The following IGFALS variants were observed in gnomAD, a reference collection of about 807,000 sequenced individuals.
The protein encoded by IGFALS is insulin like growth factor binding protein acid labile subunit.
IGFALS carries 2 observed loss-of-function variants against 2.6 expected under a neutral mutation model. The ratio of observed to expected loss-of-function variants is 0.77; its 90% CI spans 0.32 to 2.44. IGFALS has a LOEUF of 2.44. Among genes scored for constraint, IGFALS ranks in the 30% most tolerant of loss-of-function variants. The pLI is 0.11. For synonymous variants in IGFALS, 519 were observed against 431.9 expected, an observed-to-expected ratio of 1.20 and a Z score of -2.50; for missense variants, 996 against 848.7, an observed-to-expected ratio of 1.17 and a Z score of -2.16.
chr16:1,792,131 T>C lies in IGFALS; in HGVS notation c.287A>G (p.Asn96Ser). 1 of 1,611,024 alleles carries C rather than the reference T, an allele frequency of 6.2e-7. No homozygotes were observed. The highest frequency in any genetic ancestry group is 8.5e-7 in the Non-Finnish European group (1 of 1,179,524). Reference sequence around the variant, plus strand: ...GTTGAGGAAGCCCAGGCTGGAGAGGTTCTGGAAGGCTGCCGGGGGGACGGA... The same window carrying C: ...GTTGAGGAAGCCCAGGCTGGAGAGGCTCTGGAAGGCTGCCGGGGGGACGGA... ...LSSVPPAAFQNLSSLGFLNLQ... is the reference protein window; with the variant it reads ...LSSVPPAAFQSLSSLGFLNLQ... The change falls in exon 2 of 2, where the codon AAC becomes AGC. Residue 96 changes from asparagine to serine, a missense_variant. Transcript: ENST00000215539.
At chr16:1,794,535 A>G (rs561871674), upstream of IGFALS, among the ~76,000 whole-genome samples, 62 of 152,156 alleles carry the variant, frequency 4.1e-4, no homozygotes, top group African/African-American at 1.4e-3. Context: ...GTGCCCAGCC[A>G]TGTCCAAGGC....
Position 1,791,327 on chromosome 16 carries a change from A to G in IGFALS, c.1091T>C (p.Val364Ala). 6.2e-7 allele frequency: 1 copy of G among 1,608,612 alleles called. No homozygotes were observed. The highest frequency in any genetic ancestry group is 1.3e-5 in the African/African-American group (1 of 75,048). The change falls in exon 2 of 2, where the codon GTG (valine) becomes GCG (alanine). Residue 364 changes from valine to alanine, a missense_variant. Coordinates refer to ENST00000215539, the MANE Select transcript of IGFALS (RefSeq NM_004970.3). The part of the protein sequence containing the change: ...KAGAFLGLTN[V>A]AVMNLSGNCL... ...GTTCCCAGAGAGGTTCATGACCGCCACGTTGGTGAGGCCGAGGAAAGCGCC... is the reference window on the plus strand; with the variant it reads ...GTTCCCAGAGAGGTTCATGACCGCCGCGTTGGTGAGGCCGAGGAAAGCGCC...
In IGFALS at chr16:1,792,005, G is replaced by A; in HGVS notation, c.413C>T (p.Ala138Val). 1 of 1,608,988 alleles carries A rather than the reference G, an allele frequency of 6.2e-7. No homozygotes were observed. The highest frequency in any genetic ancestry group is 8.5e-7 in the Non-Finnish European group (1 of 1,179,074). Residue 138 changes from alanine (A) to valine (V), a missense_variant, in exon 2 of 2, where the codon GCA becomes GTA. Ala to Val is a moderately conservative substitution (Grantham distance 64). Coordinates refer to ENST00000215539, the MANE Select transcript of IGFALS (RefSeq NM_004970.3). The stretch of plus-strand genomic sequence containing the variant: ...GGGCGTGTGTGCAAACGTGCCGAGT[G>A]CCAGGCTGCGCAGCTGGTTCCGCTC... ...HLERNQLRSL[A>V]LGTFAHTPAL...
chr16:1,791,334 T>G lies in IGFALS; in HGVS notation c.1084A>C (p.Thr362Pro), dbSNP rs1285968519. 1.9e-6 allele frequency: 3 copies of G among 1,608,312 alleles called. No homozygotes were observed. The highest frequency in any genetic ancestry group is 2.5e-6 in the Non-Finnish European group (3 of 1,179,916). ...EVKAGAFLGL[T>P]NVAVMNLSGN... The stretch of plus-strand genomic sequence containing the variant: ...GAGAGGTTCATGACCGCCACGTTGG[T>G]GAGGCCGAGGAAAGCGCCCGCCTTG... Residue 362 changes from threonine (T) to proline (P), a missense_variant, in exon 2 of 2, where the codon ACC (threonine) becomes CCC (proline). Physicochemically the swap from Thr to Pro is conservative, Grantham distance 38. Coordinates refer to ENST00000215539, the MANE Select transcript of IGFALS (RefSeq NM_004970.3).
intron 1 of IGFALS, 70 bp from the exon 2 acceptor site, chr16:1,792,471 G>A: frequency 6.8e-7 from 1 of 1,465,406 alleles, no homozygotes; most frequent in Non-Finnish European, 9.0e-7. Context: ...TACCAGCACA[G>A]CCGGAAGCGG....
At position 1,790,957 on chromosome 16, in the gene IGFALS, C is replaced by T. The variant is rs113804102; in HGVS notation, c.1461G>A (p.Leu487=). 1 of 1,596,636 alleles carries T rather than the reference C, an allele frequency of 6.3e-7. No individual in the cohort carries two copies. Among genetic ancestry groups the T allele is most frequent in the Non-Finnish European group, 8.5e-7 (1 of 1,178,850 alleles). Residue 487 remains leucine, a synonymous_variant, in exon 2 of 2, where the codon CTG becomes CTA. Transcript: ENST00000215539. ...ALGPLQRAFW[L]DVSHNRLEAL... is the part of the protein sequence containing the mutation. Reference sequence around the variant, plus strand: ...CCTCCAGGCGGTTGTGCGAGACGTCCAGCCAGAAGGCCCGCTGCAGGGGGC... The same window carrying T: ...CCTCCAGGCGGTTGTGCGAGACGTCTAGCCAGAAGGCCCGCTGCAGGGGGC...
intron 1 of IGFALS, among the ~76,000 whole-genome samples, chr16:1,793,340 G>A (rs552375126): frequency 1.8e-4 from 28 of 152,176 alleles, no homozygotes; most frequent in African/African-American, 6.3e-4. Flanking sequence ...GGCACTTCCC[G>A]CCGCTGTGCT....
chr16:1,791,488 G>C lies in IGFALS; in HGVS notation c.930C>G (p.Phe310Leu). 2 of 1,611,480 alleles carry C rather than the reference G, an allele frequency of 1.2e-6. No individual in the cohort carries two copies. The highest frequency in any genetic ancestry group is 1.7e-6 in the Non-Finnish European group (2 of 1,179,520). Residue 310 changes from phenylalanine to leucine, a missense_variant, in exon 2 of 2, where the codon TTC becomes TTG. By Grantham distance (22) the Phe-to-Leu change is conservative. Coordinates refer to ENST00000215539, the MANE Select transcript of IGFALS (RefSeq NM_004970.3). Reference sequence around the variant, plus strand: ...GCTCCTCCAGGAAGTGCAGGTCCTTGAAGGTGCGGGGCCGCAGGCTGGCGA... The same window carrying C: ...GCTCCTCCAGGAAGTGCAGGTCCTTCAAGGTGCGGGGCCGCAGGCTGGCGA... ...NAIASLRPRT[F>L]KDLHFLEELQ...
In IGFALS at chr16:1,793,635, A is replaced by T. The variant is rs758291740; in HGVS notation, c.16+2T>A. 6.3e-7 allele frequency: 1 copy of T among 1,595,952 alleles called. No individual in the cohort carries two copies. Among genetic ancestry groups the T allele is most frequent in the Non-Finnish European group, 8.5e-7 (1 of 1,171,014 alleles). On this transcript the variant is annotated splice_donor_variant, in intron 1 of 1. Transcript: ENST00000215539. LOFTEE classifies it high-confidence loss of function. Reference sequence around the variant, plus strand: ...GGGTGGCGGGGCACTCGGGGGCCTCACCTTTCCTCAGGGCCATCCTGCATG... The same window carrying T: ...GGGTGGCGGGGCACTCGGGGGCCTCTCCTTTCCTCAGGGCCATCCTGCATG...
Position 1,791,209 on chromosome 16 carries a change from C to T in IGFALS, c.1209G>A (p.Pro403=), listed in dbSNP as rs1407145347. 3.7e-6 allele frequency: 6 copies of T among 1,607,666 alleles called. No individual in the cohort carries two copies. Among genetic ancestry groups the T allele is most frequent in the Admixed American group, 1.7e-5 (1 of 59,996 alleles). ...LEGSCLGRIR[P]HTFTGLSGLR... ...GCCCCGAGAGGCCGGTGAAGGTGTG[C>T]GGGCGGATGCGTCCCAGGCAGCTGC... Residue 403 remains proline (P), a synonymous_variant, in exon 2 of 2, where the codon CCG becomes CCA. Coordinates refer to ENST00000215539, the MANE Select transcript of IGFALS (RefSeq NM_004970.3).
rs765328772 is a variant in IGFALS, at chr16:1,792,070, C to A, written c.348G>T (p.Gln116His). The A allele has an allele frequency of 6.2e-7, 1 of 1,610,126 alleles. No individual in the cohort carries two copies. The highest frequency in any genetic ancestry group is 8.5e-7 in the Non-Finnish European group (1 of 1,179,204). ...QGGQLGSLEP[Q>H]ALLGLENLCH... ...ACAGGTTCTCTAGGCCCAGCAGCGCCTGTGGCTCCAGGCTGCCCAGCTGGC... is the reference window on the plus strand; with the variant it reads ...ACAGGTTCTCTAGGCCCAGCAGCGCATGTGGCTCCAGGCTGCCCAGCTGGC... Residue 116 changes from glutamine to histidine, a missense_variant, in exon 2 of 2, where the codon CAG becomes CAT. Physicochemically the swap from Gln to His is conservative, Grantham distance 24 (BLOSUM62 0). Transcript: ENST00000215539.
chr16:1,790,766 G>T lies in IGFALS; in HGVS notation c.1652C>A (p.Ala551Asp). 6.3e-7 allele frequency: 1 copy of T among 1,592,468 alleles called. No individual in the cohort carries two copies. The highest frequency in any genetic ancestry group is 1.1e-5 in the South Asian group (1 of 88,020). The change falls in exon 2 of 2, where the codon GCC (alanine) becomes GAC (aspartate). Residue 551 changes from alanine (A) to aspartate (D), a missense_variant. Transcript: ENST00000215539. ...GCPLKALRDF[A>D]LQNPSAVPRF... is the part of the protein sequence containing the mutation. ...GGGCACAGCACTGGGGTTCTGCAGG[G>T]CGAAGTCCCGCAGCGCCTTGAGAGG...
intron 1 of IGFALS, among the ~76,000 whole-genome samples, 175 bp downstream of exon 1, chr16:1,793,462 C>T (rs1897274900): frequency 6.6e-6 from 1 of 152,072 alleles, no homozygotes; most frequent in Admixed American, 6.5e-5. Flanking sequence ...GCTGTGTCCC[C>T]CTGCCAACCC....
At position 1,790,697 on chromosome 16, in the gene IGFALS, G is replaced by A; in HGVS notation, c.1721C>T (p.Pro574Leu). Residue 574 changes from proline (P) to leucine (L), a missense_variant, in exon 2 of 2, where the codon CCC becomes CTC. Physicochemically the swap from Pro to Leu is moderately conservative, Grantham distance 98. Coordinates refer to ENST00000215539, the MANE Select transcript of IGFALS (RefSeq NM_004970.3). ...GGTGATGTTGTTGTAGGTGTACGCG[G>A]GCGGCTGGCAATCGTCCCCCTCACA... ...AICEGDDCQP[P>L]AYTYNNITCA... is the part of the protein sequence containing the mutation. The A allele has an allele frequency of 6.2e-7, 1 of 1,608,258 alleles. No individual in the cohort carries two copies. Among genetic ancestry groups the A allele is most frequent in the Non-Finnish European group, 8.5e-7 (1 of 1,178,132 alleles).
Position 1,792,231 on chromosome 16 carries a change from T to C in IGFALS, c.187A>G (p.Arg63Gly), listed in dbSNP as rs148420189. 2.5e-4 allele frequency: 404 copies of C among 1,606,064 alleles called. No individual in the cohort carries two copies. Among genetic ancestry groups the C allele is most frequent in the Admixed American group, 1.4e-3 (85 of 59,950 alleles). The change falls in exon 2 of 2, where the codon AGG becomes GGG. Residue 63 changes from arginine to glycine, a missense_variant. Physicochemically the swap from Arg to Gly is moderately radical, Grantham distance 125. Coordinates refer to ENST00000215539, the MANE Select transcript of IGFALS (RefSeq NM_004970.3). ...CCATCAGGCAGGCGCGTGAGGTTCCTGGAGCTGCAGAAGACGCTGAGCTCA... is the reference window on the plus strand; with the variant it reads ...CCATCAGGCAGGCGCGTGAGGTTCCCGGAGCTGCAGAAGACGCTGAGCTCA... ...ADELSVFCSS[R>G]NLTRLPDGVP...
chr16:1,793,785 C>CCTGGCT (rs1408959550), upstream of IGFALS: 5 of 889,504 alleles, frequency 5.6e-6, no homozygotes, highest in African/African-American at 6.8e-5. Context: ...CCCAGCTGGC[C>CCTGGCT]CTGGCTCTGT....
Position 1,790,456 on chromosome 16 carries a change from GGCC to G in IGFALS, c.*141_*143del, listed in dbSNP as rs1430072494. 4 of 734,676 alleles carry G rather than the reference GGCC, an allele frequency of 5.4e-6. No individual in the cohort carries two copies. In the African/African-American group the frequency reaches 6.9e-5, roughly 13 times the overall value. The allele number at this position is 734,676 out of a possible 1,614,324, so 45.5% of individuals were successfully genotyped here. The stretch of plus-strand genomic sequence containing the variant: ...GCCTTTAATTGATGACAGCTGGGGG[GGCC>G]GCCATGCCTTCCACCCCATCAGGCC... On this transcript the variant is annotated 3_prime_UTR_variant, in exon 2 of 2. Transcript: ENST00000215539.
chr16:1,793,489 G>T (rs537486912), intron 1 of IGFALS, 148 bp downstream of exon 1: 4 of 658,230 alleles, frequency 6.1e-6, no homozygotes, highest in Middle Eastern at 4.2e-4. Context: ...CCGCATTTCC[G>T]ACTGTGGGCT....
Position 1,792,092 on chromosome 16 carries a change from T to A in IGFALS, c.326A>T (p.Gln109Leu). 1 of 1,610,202 alleles carries A rather than the reference T, an allele frequency of 6.2e-7. No individual in the cohort carries two copies. Among genetic ancestry groups the A allele is most frequent in the Non-Finnish European group, 8.5e-7 (1 of 1,179,256 alleles). ...SLGFLNLQGGQLGSLEPQALL... is the reference protein window; with the variant it reads ...SLGFLNLQGGLLGSLEPQALL... ...CGCCTGTGGCTCCAGGCTGCCCAGC[T>A]GGCCGCCCTGCAGGTTGAGGAAGCC... The change falls in exon 2 of 2, where the codon CAG (glutamine) becomes CTG (leucine). Residue 109 changes from glutamine (Q) to leucine (L), a missense_variant. Coordinates refer to ENST00000215539, the MANE Select transcript of IGFALS (RefSeq NM_004970.3).
Sources: gnomAD v4.1 joint callset for allele counts (sites outside exome capture counted in the v4.1 genomes callset) on GRCh38, gnomAD v4.1.1 for gene constraint, MANE v1.5 for transcripts, NCBI Gene and HGNC (gene_info 2026-07-23, HGNC 2026-07-21) for gene names.